The following STK38 variants were observed in gnomAD, a reference collection of about 807,000 sequenced individuals.
STK38 encodes serine/threonine-protein kinase 38.
In STK38, 26 loss-of-function variants were observed where a neutral mutation model predicts 59.0. The ratio of observed to expected loss-of-function variants is 0.44; its 90% CI spans 0.32 to 0.61. STK38 has a LOEUF of 0.61. Ranked by LOEUF, STK38 falls within the 20% of genes least tolerant of loss-of-function variation. The pLI, the probability that STK38 is intolerant of heterozygous loss-of-function variation, is 0.04. For missense variants in STK38, 433 were observed against 566.0 expected (o/e 0.76, Z 2.38); for synonymous variants, 175 against 176.6 (o/e 0.99, Z 0.07).
intron 10 of STK38, 23 bp downstream of exon 10, chr6:36,499,850 T>A: frequency 6.3e-7 from 1 of 1,590,710 alleles, no homozygotes; most frequent in Non-Finnish European, 8.6e-7. Flanking sequence ...ACAGAAAAAG[T>A]CCTCTGAAAC....
intron 7 of STK38, among the ~76,000 whole-genome samples, chr6:36,512,667 C>CT (rs201882616): frequency 0.054 from 8,070 of 149,844 alleles, 296 homozygotes; most frequent in South Asian, 0.14. Flanking sequence ...AATCTTTCTT[C>CT]TTTTTTTTTT....
chr6:36,500,552 G>A (rs1279713797), intron 9 of STK38, among the ~76,000 whole-genome samples: 1 of 151,884 alleles, frequency 6.6e-6, no homozygotes, highest in Non-Finnish European at 1.5e-5. Context: ...ACGAGGTCAA[G>A]AGATGGAGAC....
chr6:36,539,933 C>G (rs1028340216), intron 2 of STK38, 139 bp downstream of exon 2: 3 of 1,380,480 alleles, frequency 2.2e-6, no homozygotes, highest in South Asian at 1.5e-5. Flanking sequence ...TTTGAAAAGC[C>G]CTTTCACTGT....
intron 2 of STK38, among the ~76,000 whole-genome samples, chr6:36,534,842 A>AG (rs1777749485): frequency 6.8e-6 from 1 of 146,662 alleles, no homozygotes; most frequent in Admixed American, 6.8e-5. Flanking sequence ...AAGGCAAGGA[A>AG]AAAAAAAAAA....
At chr6:36,524,070 A>C (rs1349949250) in intron 4 of STK38, among the ~76,000 whole-genome samples, 1 of 152,132 alleles carries the variant, frequency 6.6e-6, no homozygotes, top group Non-Finnish European at 1.5e-5. Context: ...GTAAATAATA[A>C]ATGTTGATTT....
intron 2 of STK38, among the ~76,000 whole-genome samples, chr6:36,538,844 A>C (rs1291215611): frequency 7.1e-6 from 1 of 141,272 alleles, no homozygotes; most frequent in Non-Finnish European, 1.5e-5. Flanking sequence ...GTGAGCCAAG[A>C]CCACGCCACT....
chr6:36,508,094 C>T (rs924590281), intron 7 of STK38, among the ~76,000 whole-genome samples: 7 of 151,784 alleles, frequency 4.6e-5, no homozygotes, highest in African/African-American at 1.5e-4. Flanking sequence ...CCACCACGTC[C>T]GACTAATTTT....
chr6:36,532,765 AGTCCAT>A (rs1241000000), intron 2 of STK38, among the ~76,000 whole-genome samples: 2 of 152,054 alleles, frequency 1.3e-5, no homozygotes, highest in Non-Finnish European at 2.9e-5. Context: ...CAGGCATGGT[AGTCCAT>A]GTCTGCAATC....
At position 36,540,221 on chromosome 6, in the gene STK38, A is replaced by G. The variant is rs780377116; in HGVS notation, c.-5-14T>C. The G allele has an allele frequency of 6.2e-7, 1 of 1,613,324 alleles. No individual in the cohort carries two copies. On this transcript the variant is annotated splice_polypyrimidine_tract_variant and intron_variant, in intron 1 of 13. Transcript: ENST00000229812. ...TTGCCATGGCTGCTAGAAACAAAGA[A>G]AAGAAGAGGTGTTAGATTTGGAGTT...
intron 9 of STK38, among the ~76,000 whole-genome samples, chr6:36,501,247 C>T (rs1436062618): frequency 6.6e-6 from 1 of 152,100 alleles, no homozygotes; most frequent in Admixed American, 6.5e-5. Context: ...GCCACCGCAC[C>T]TGACCAAGAG....
Position 36,537,070 on chromosome 6 carries a change from C to A in STK38, c.131+3002G>T, listed in dbSNP as rs188703052. Among the ~76,000 whole-genome samples the A allele has an allele frequency of 3.3e-5, 5 of 152,162 alleles. No homozygotes were observed. The East Asian group carries it at 9.7e-4, about 29-fold the overall frequency. On this transcript the variant is annotated intron_variant, in intron 2 of 13. Coordinates refer to ENST00000229812, the MANE Select transcript of STK38 (RefSeq NM_007271.4). ...TAGGACAAACAAAGAACTCCTGCAA[C>A]TCAATAATAAAGACAACTCCATTTT...
intron 2 of STK38, among the ~76,000 whole-genome samples, chr6:36,527,231 T>C (rs1363005075): frequency 2.1e-5 from 3 of 144,776 alleles, no homozygotes; most frequent in African/African-American, 7.7e-5. Flanking sequence ...TATATATATT[T>C]ATATGTATAT....
chr6:36,546,199 G>A (rs597353), intron 1 of STK38, among the ~76,000 whole-genome samples: 1,552 of 152,252 alleles, frequency 0.01, 32 homozygotes, highest in African/African-American at 0.036. Flanking sequence ...CATGCACAGT[G>A]CTATGCACTT....
chr6:36,497,095 T>C (rs1776723548), intron 12 of STK38, among the ~76,000 whole-genome samples: 1 of 152,210 alleles, frequency 6.6e-6, no homozygotes, highest in Non-Finnish European at 1.5e-5. Flanking sequence ...CTGGCCTGTC[T>C]ACTAAAAAGG....
chr6:36,499,216 T>C (rs555396335), intron 10 of STK38, among the ~76,000 whole-genome samples: 90 of 152,268 alleles, frequency 5.9e-4, no homozygotes, highest in Non-Finnish European at 1.0e-3. Context: ...GAAAAAAGCA[T>C]AGATTTTAAA....
At chr6:36,507,698 C>G in intron 7 of STK38, 96 bp from the exon 8 acceptor site, 1 of 794,580 alleles carries the variant, frequency 1.3e-6, no homozygotes, top group Middle Eastern at 2.4e-4. Flanking sequence ...TATAGCTCTA[C>G]AGCCAAAGTA....
At chr6:36,544,853 G>A (rs1053612617) in intron 1 of STK38, among the ~76,000 whole-genome samples, 7 of 152,154 alleles carry the variant, frequency 4.6e-5, no homozygotes, top group African/African-American at 1.7e-4. Flanking sequence ...GCCTGGGACA[G>A]AGCAAGACTC....
chr6:36,518,427 C>T (rs1213786071), intron 5 of STK38, among the ~76,000 whole-genome samples: 12 of 152,104 alleles, frequency 7.9e-5, no homozygotes, highest in Non-Finnish European at 7.4e-5. Flanking sequence ...CTATAAAGGA[C>T]CAAGTTGTAG....
chr6:36,531,168 T>C (rs1777658219), intron 2 of STK38, among the ~76,000 whole-genome samples: 2 of 152,194 alleles, frequency 1.3e-5, no homozygotes, highest in Non-Finnish European at 2.9e-5. Context: ...TATTTCTACT[T>C]AGTATTAGAT....
Sources: gnomAD v4.1 joint callset for allele counts (sites outside exome capture counted in the v4.1 genomes callset) on GRCh38, gnomAD v4.1.1 for gene constraint, MANE v1.5 for transcripts, NCBI Gene and HGNC (gene_info 2026-07-23, HGNC 2026-07-21) for gene names.